The following IL1RAP variants were observed in gnomAD, a reference collection of about 807,000 sequenced individuals.
IL1RAP encodes the protein interleukin 1 receptor accessory protein.
In IL1RAP, 35 loss-of-function variants were observed where a neutral mutation model predicts 60.7. That is an observed-to-expected ratio of 0.58 (90% confidence interval 0.44 to 0.76). The LOEUF (loss-of-function observed/expected upper bound fraction) is 0.76. IL1RAP is among the 30% of genes least tolerant of loss of function. The probability of loss-of-function intolerance (pLI) is 0.00; values close to 1 mark genes in which losing one functional copy is unlikely to be tolerated. For missense variants in IL1RAP, 572 were observed against 693.9 expected, an observed-to-expected ratio of 0.82 and a Z score of 1.97; for synonymous variants, 268 against 250.9, an observed-to-expected ratio of 1.07 and a Z score of -0.64.
At chr3:190,647,381 G>T (rs1734089981) in intron 11 of IL1RAP, among the ~76,000 whole-genome samples, 1 of 152,170 alleles carries the variant, frequency 6.6e-6, no homozygotes, top group Non-Finnish European at 1.5e-5. Context: ...ACCTAGAGTT[G>T]GCAACCATCT....
chr3:190,603,971 G>T (rs1049435986), intron 3 of IL1RAP, among the ~76,000 whole-genome samples, 157 bp from the exon 4 acceptor site: 1 of 152,142 alleles, frequency 6.6e-6, no homozygotes, highest in Non-Finnish European at 1.5e-5. Context: ...CACACCAAAG[G>T]TGCCTACTGT....
intron 3 of IL1RAP, among the ~76,000 whole-genome samples, chr3:190,575,237 A>T (rs1040389030): frequency 1.3e-5 from 2 of 152,198 alleles, no homozygotes; most frequent in Non-Finnish European, 2.9e-5. Context: ...GTAGGCAAAG[A>T]TGAAGACATT....
intron 1 of IL1RAP, chr3:190,518,641 TG>T: frequency 6.5e-6 from 1 of 152,752 alleles, no homozygotes; most frequent in Non-Finnish European, 1.5e-5. Context: ...TCCACATGGC[TG>T]GGGAGGCCTG....
intron 9 of IL1RAP, 61 bp from the exon 10 acceptor site, chr3:190,644,187 A>G (rs1322991924): frequency 6.4e-7 from 1 of 1,553,818 alleles, no homozygotes; most frequent in Non-Finnish European, 8.7e-7. Flanking sequence ...ATTTGCCGGG[A>G]TGGTGGGTCA....
intron 2 of IL1RAP, among the ~76,000 whole-genome samples, chr3:190,562,762 C>A (rs1726020177): frequency 6.6e-6 from 1 of 151,112 alleles, no homozygotes; most frequent in South Asian, 2.1e-4. Flanking sequence ...CACACACACA[C>A]AAACTAAAAA....
chr3:190,524,952 A>G (rs1206528734), intron 1 of IL1RAP, among the ~76,000 whole-genome samples: 1 of 152,086 alleles, frequency 6.6e-6, no homozygotes. Context: ...TGTTGAGTAT[A>G]TATTTAAATA....
At chr3:190,629,901 TA>T in intron 9 of IL1RAP, 1 of 965,026 alleles carries the variant, frequency 1.0e-6, no homozygotes, top group Non-Finnish European at 1.2e-6. Context: ...TCAAGAGTCA[TA>T]AAAAAGATTG....
At chr3:190,603,723 A>G (rs1730049723) in intron 3 of IL1RAP, among the ~76,000 whole-genome samples, 1 of 152,204 alleles carries the variant, frequency 6.6e-6, no homozygotes, top group Non-Finnish European at 1.5e-5. Flanking sequence ...CCCATGAATC[A>G]GAAGATCTAG....
At chr3:190,584,798 T>G (rs1728307040) in intron 3 of IL1RAP, among the ~76,000 whole-genome samples, 1 of 152,206 alleles carries the variant, frequency 6.6e-6, no homozygotes, top group African/African-American at 2.4e-5. Flanking sequence ...ACCTTTAATT[T>G]TCTTGTTATT....
rs573538790 is a variant in IL1RAP, at chr3:190,651,201, C to T, written c.*2496C>T. 17 of 980,936 alleles carry T rather than the reference C, an allele frequency of 1.7e-5. 1 individual carries two copies. The African/African-American group carries it at 1.9e-4, about 11-fold the overall frequency. 60.8% of individuals were successfully genotyped at this position (980,936 alleles called of 1,614,324 possible). On this transcript the variant is annotated 3_prime_UTR_variant, in exon 12 of 12. Transcript: ENST00000447382. ...AAAAATTAATGGTTTTAAATATATGCTATAGGGACGTTCCATGCCCAGGTT... is the reference window on the plus strand; with the variant it reads ...AAAAATTAATGGTTTTAAATATATGTTATAGGGACGTTCCATGCCCAGGTT...
chr3:190,626,528 A>G lies in IL1RAP; in HGVS notation c.776-795A>G, dbSNP rs1189294067. On this transcript the variant is annotated intron_variant, in intron 7 of 11. Transcript: ENST00000447382. Reference sequence around the variant, plus strand: ...GCCTCCTCAGCCAGATCTCTCTGTGATGGTATTTCCCCATCTTTCCTGGCC... The same window carrying G: ...GCCTCCTCAGCCAGATCTCTCTGTGGTGGTATTTCCCCATCTTTCCTGGCC... 3.9e-5 allele frequency among the ~76,000 whole-genome samples: 6 copies of G among 152,214 alleles called. No homozygotes were observed. In the East Asian group the frequency reaches 1.2e-3, roughly 29 times the overall value.
intron 2 of IL1RAP, among the ~76,000 whole-genome samples, chr3:190,562,459 G>A (rs1725974045): frequency 6.6e-6 from 1 of 151,784 alleles, no homozygotes; most frequent in South Asian, 2.1e-4. Flanking sequence ...TCTCTTAAGT[G>A]TCTCTAGATG....
In IL1RAP at chr3:190,651,030, G is replaced by A; in HGVS notation, c.*2325G>A. 2.0e-6 allele frequency: 2 copies of A among 984,146 alleles called. No homozygotes were observed. Among genetic ancestry groups the A allele is most frequent in the Admixed American group, 6.1e-5 (1 of 16,270 alleles). The allele number at this position is 984,146 out of a possible 1,614,324, so 61.0% of individuals were successfully genotyped here. Reference sequence around the variant, plus strand: ...AATGCTGTAATATAAAGCATATCAAGTTTATGTGATACGTATCATTGCAAG... The same window carrying A: ...AATGCTGTAATATAAAGCATATCAAATTTATGTGATACGTATCATTGCAAG... On this transcript the variant is annotated 3_prime_UTR_variant, in exon 12 of 12. Transcript: ENST00000447382.
At chr3:190,540,253 T>C (rs938896241) in intron 1 of IL1RAP, among the ~76,000 whole-genome samples, 2 of 152,006 alleles carry the variant, frequency 1.3e-5, no homozygotes, top group Non-Finnish European at 2.9e-5. Flanking sequence ...CTCTCTTCCG[T>C]CCTCTCTGCC....
In IL1RAP at chr3:190,534,050, A is replaced by G. The variant is rs909141181; in HGVS notation, c.-89+19831A>G. Among the ~76,000 whole-genome samples, 5 of 151,892 alleles carry G rather than the reference A, an allele frequency of 3.3e-5. No homozygotes were observed. In the South Asian group the frequency reaches 8.3e-4, roughly 25 times the overall value. On this transcript the variant is annotated intron_variant, in intron 1 of 11. Transcript: ENST00000447382. The stretch of plus-strand genomic sequence containing the variant: ...TATGATAATCCTTTGATTTAATGTC[A>G]GGATTGAGACAGTTCTCTGGTTCTT...
chr3:190,596,220 C>T (rs1277141216), intron 3 of IL1RAP, among the ~76,000 whole-genome samples: 3 of 152,226 alleles, frequency 2.0e-5, no homozygotes, highest in African/African-American at 7.2e-5. Flanking sequence ...TAGCATAGTG[C>T]TTTGCGCATA....
At chr3:190,554,576 G>C (rs1725233785) in intron 1 of IL1RAP, 1 of 152,218 alleles carries the variant, frequency 6.6e-6, no homozygotes, top group Admixed American at 6.5e-5. Context: ...TGTGTATTGT[G>C]AATCTCCAAG....
chr3:190,656,360 C>A, downstream of IL1RAP: 4 of 1,537,220 alleles, frequency 2.6e-6, no homozygotes, highest in Non-Finnish European at 8.7e-7. Flanking sequence ...CGAGGGAAGT[C>A]CTCCGCCACC....
chr3:190,603,872 G>A (rs983833134), intron 3 of IL1RAP, among the ~76,000 whole-genome samples: 1 of 152,118 alleles, frequency 6.6e-6, no homozygotes, highest in Admixed American at 6.6e-5. Context: ...CCCATACCTT[G>A]CAGGGCTTAA....
Sources: allele counts gnomAD v4.1 joint callset (sites outside exome capture counted in the v4.1 genomes callset), GRCh38; gene constraint gnomAD v4.1.1; transcripts MANE v1.5; gene names NCBI Gene and HGNC (gene_info 2026-07-23, HGNC 2026-07-21).